The following IFT140 variants were observed in gnomAD, a reference collection of about 807,000 sequenced individuals.
IFT140 encodes intraflagellar transport 140, also known as intraflagellar transport protein 140 homolog.
IFT140 carries 133 observed loss-of-function variants against 164.6 expected under a neutral mutation model. That is an observed-to-expected ratio of 0.81 (90% confidence interval 0.70 to 0.93). The LOEUF (loss-of-function observed/expected upper bound fraction) is 0.93. Among genes scored for constraint, IFT140 ranks in the 40% least tolerant of loss-of-function variants. IFT140 has a pLI of 0.00. For missense variants in IFT140, 2,045 were observed against 1,972.3 expected, an observed-to-expected ratio of 1.04 and a Z score of -0.70; for synonymous variants, 860 against 817.3, an observed-to-expected ratio of 1.05 and a Z score of -0.89.
In IFT140 at chr16:1,510,885, A is replaced by G. The variant is rs1053730; in HGVS notation, c.*59T>C. ...AAATGCTGGCTTTGCCACAGCTGAC[A>G]AAAAAATTCCAGAAGATGCCTTTCT... On this transcript the variant is annotated 3_prime_UTR_variant, in exon 31 of 31. Transcript: ENST00000426508. 0.27 allele frequency: 409,518 copies of G among 1,509,780 alleles called. 61,079 individuals are homozygous for G. The highest frequency in any genetic ancestry group is 0.57 in the African/African-American group (41,287 of 72,648). The allele number at this position is 1,509,780 out of a possible 1,614,324, so 93.5% of individuals were successfully genotyped here.
intron 15 of IFT140, among the ~76,000 whole-genome samples, chr16:1,566,498 G>A (rs995677796): frequency 1.3e-5 from 2 of 152,192 alleles, no homozygotes; most frequent in East Asian, 3.9e-4. Context: ...GTCTCGCTCT[G>A]TTGCCCAGGA....
Position 1,582,834 on chromosome 16 carries a change from C to T in IFT140, c.1432+480G>A, listed in dbSNP as rs754552821. Among the ~76,000 whole-genome samples the T allele has an allele frequency of 3.9e-5, 6 of 152,214 alleles. No individual in the cohort carries two copies. The South Asian group carries it at 6.2e-4, about 16-fold the overall frequency. ...AGGACAACTGCTTGAGCCCGGGAGGCGGAGGGTGCAGTGAGGTGAGATTGC... is the reference window on the plus strand; with the variant it reads ...AGGACAACTGCTTGAGCCCGGGAGGTGGAGGGTGCAGTGAGGTGAGATTGC... On this transcript the variant is annotated intron_variant, in intron 12 of 30. Transcript: ENST00000426508.
chr16:1,517,233 C>T (rs910126262), intron 30 of IFT140, among the ~76,000 whole-genome samples: 1 of 152,050 alleles, frequency 6.6e-6, no homozygotes, highest in African/African-American at 2.4e-5. Flanking sequence ...ACCTGTAGTC[C>T]CAGCTACTTG....
intron 4 of IFT140, 57 bp from the exon 5 acceptor site, chr16:1,592,645 AGG>A: frequency 5.7e-6 from 9 of 1,569,236 alleles, no homozygotes; most frequent in East Asian, 2.3e-5. Context: ...CGACTGGTGG[AGG>A]GACAGGTGTC....
intron 19 of IFT140, among the ~76,000 whole-genome samples, chr16:1,542,414 G>A (rs1396429248): frequency 6.6e-6 from 1 of 152,236 alleles, no homozygotes; most frequent in Non-Finnish European, 1.5e-5. Context: ...GTCCACATGG[G>A]GCAGCCTGGG....
intron 21 of IFT140, among the ~76,000 whole-genome samples, chr16:1,525,599 G>C (rs1363676537): frequency 6.6e-6 from 1 of 152,236 alleles, no homozygotes; most frequent in East Asian, 1.9e-4. Flanking sequence ...CATGGGGTTT[G>C]TCTGTCCTCA....
intron 19 of IFT140, among the ~76,000 whole-genome samples, chr16:1,543,632 C>G (rs2031868833): frequency 6.6e-6 from 1 of 152,198 alleles, no homozygotes; most frequent in Non-Finnish European, 1.5e-5. Context: ...ATTTCTGCCC[C>G]CACCCAACTG....
In IFT140 at chr16:1,519,870, C is replaced by CG. The variant is rs2040466563; in HGVS notation, c.4040+10dup. ...TGCCCTGGCCTGTCCCCGCTGGCCC[C>CG]GGGGGCACACCTGCGGGCCTGGATG... On this transcript the variant is annotated intron_variant, in intron 29 of 30. Transcript: ENST00000426508. 1 of 1,523,816 alleles carries CG rather than the reference C, an allele frequency of 6.6e-7. No homozygotes were observed. The highest frequency in any genetic ancestry group is 2.2e-5 in the Admixed American group (1 of 45,244). 94.4% of individuals were successfully genotyped at this position (1,523,816 alleles called of 1,614,324 possible).
chr16:1,571,610 C>T, intron 13 of IFT140, 76 bp from the exon 14 acceptor site: 1 of 1,416,806 alleles, frequency 7.1e-7, no homozygotes, highest in Non-Finnish European at 9.7e-7. Flanking sequence ...CTTGTACACA[C>T]AAGAAATGGA....
chr16:1,544,474 C>A (rs1311237802), intron 19 of IFT140, among the ~76,000 whole-genome samples: 1 of 151,108 alleles, frequency 6.6e-6, no homozygotes, highest in Non-Finnish European at 1.5e-5. Flanking sequence ...CGTGAGCCAC[C>A]GCGCCTGGCC....
chr16:1,566,905 T>C (rs2033749815), intron 15 of IFT140, among the ~76,000 whole-genome samples: 1 of 152,174 alleles, frequency 6.6e-6, no homozygotes, highest in South Asian at 2.1e-4. Context: ...ATCTGGGTTC[T>C]CAGGGCCACA....
At chr16:1,528,379 G>GCA (rs1342165658) in intron 19 of IFT140, among the ~76,000 whole-genome samples, 1 of 117,242 alleles carries the variant, frequency 8.5e-6, no homozygotes, top group African/African-American at 3.6e-5. Context: ...ACGCATGCAC[G>GCA]CACGTGTGCA....
intron 10 of IFT140, 112 bp from the exon 11 acceptor site, chr16:1,584,532 CA>C: frequency 1.2e-6 from 1 of 814,548 alleles, no homozygotes; most frequent in Middle Eastern, 2.6e-4. Flanking sequence ...TTCCAAGTAC[CA>C]TTGTTCCGGA....
In IFT140 at chr16:1,510,811, C is replaced by T. The variant is rs2040114580; in HGVS notation, c.*133G>A. On this transcript the variant is annotated 3_prime_UTR_variant, in exon 31 of 31. Coordinates refer to ENST00000426508, the MANE Select transcript of IFT140 (RefSeq NM_014714.4). ...CCGCCGGCCCGGGCCGCTGCGTTCTCGCCCAGCTCTGTCGCGTATTCCAAC... is the reference window on the plus strand; with the variant it reads ...CCGCCGGCCCGGGCCGCTGCGTTCTTGCCCAGCTCTGTCGCGTATTCCAAC... The T allele has an allele frequency of 3.0e-5, 26 of 865,772 alleles. No individual in the cohort carries two copies. Among genetic ancestry groups the T allele is most frequent in the Non-Finnish European group, 4.2e-5 (23 of 544,744 alleles). The allele number at this position is 865,772 out of a possible 1,614,324, so 53.6% of individuals were successfully genotyped here.
chr16:1,549,433 C>G (rs2032453515), intron 19 of IFT140, among the ~76,000 whole-genome samples: 1 of 152,196 alleles, frequency 6.6e-6, no homozygotes, highest in African/African-American at 2.4e-5. Context: ...TTCTTTCTTT[C>G]TTTGTTTTTT....
intron 19 of IFT140, among the ~76,000 whole-genome samples, chr16:1,548,738 G>A (rs938551079): frequency 2.0e-5 from 3 of 152,230 alleles, no homozygotes; most frequent in Non-Finnish European, 4.4e-5. Context: ...AAGGTGGGAA[G>A]GACAGAAGTA....
chr16:1,589,577 G>A (rs538072838), intron 7 of IFT140, 28 bp downstream of exon 7: 129 of 1,603,112 alleles, frequency 8.0e-5, no homozygotes, highest in Non-Finnish European at 9.3e-5. Context: ...GATCCCCAGC[G>A]TGAGCCCCCA....
intron 19 of IFT140, among the ~76,000 whole-genome samples, chr16:1,554,611 G>A (rs1596355804): frequency 6.6e-6 from 1 of 152,174 alleles, no homozygotes; most frequent in African/African-American, 2.4e-5. Flanking sequence ...GCAGGAACCC[G>A]CTCTAGGACA....
intron 1 of IFT140, among the ~76,000 whole-genome samples, 163 bp downstream of exon 1, chr16:1,611,805 C>T (rs570568832): frequency 1.3e-5 from 2 of 148,692 alleles, no homozygotes; most frequent in African/African-American, 2.5e-5. Flanking sequence ...CAGAGCGAAA[C>T]TCCGTCTCAA....
Sources: gnomAD v4.1 joint callset for allele counts (sites outside exome capture counted in the v4.1 genomes callset) on GRCh38, gnomAD v4.1.1 for gene constraint, MANE v1.5 for transcripts, NCBI Gene and HGNC (gene_info 2026-07-23, HGNC 2026-07-21) for gene names.